The following SEMA3E variants were observed in gnomAD, a reference collection of about 807,000 sequenced individuals.
SEMA3E encodes semaphorin-3E.
SEMA3E carries 49 observed loss-of-function variants against 93.6 expected under a neutral mutation model. That is an observed-to-expected ratio of 0.52 (90% confidence interval 0.42 to 0.66). The LOEUF (loss-of-function observed/expected upper bound fraction) is 0.66. Ranked by LOEUF, SEMA3E falls within the 30% of genes least tolerant of loss-of-function variation. The pLI is 0.00. For synonymous variants in SEMA3E, 363 were observed against 330.7 expected, an observed-to-expected ratio of 1.10 and a Z score of -1.06; for missense variants, 906 against 964.8, an observed-to-expected ratio of 0.94 and a Z score of 0.81.
intron 4 of SEMA3E, among the ~76,000 whole-genome samples, chr7:83,429,702 C>T (rs75017500): frequency 0.02 from 3,108 of 152,200 alleles, 109 homozygotes; most frequent in African/African-American, 0.071. Flanking sequence ...CATAGTTTCC[C>T]CTCCCCTCTC....
At chr7:83,567,902 T>C (rs1276181539) in intron 1 of SEMA3E, among the ~76,000 whole-genome samples, 1 of 150,680 alleles carries the variant, frequency 6.6e-6, no homozygotes, top group East Asian at 1.9e-4. Context: ...ATAATAAAGA[T>C]CAGAGCAGAA....
chr7:83,633,019 CCTAAA>C (rs1171077591), intron 1 of SEMA3E, among the ~76,000 whole-genome samples: 1 of 151,972 alleles, frequency 6.6e-6, no homozygotes, highest in African/African-American at 2.4e-5. Context: ...ATACAATTTT[CCTAAA>C]CTATAGTCTT....
chr7:83,560,659 G>A (rs1792012555), intron 1 of SEMA3E, among the ~76,000 whole-genome samples: 1 of 151,740 alleles, frequency 6.6e-6, no homozygotes. Context: ...TCTTTAGTAA[G>A]CTAAATAAAT....
intron 1 of SEMA3E, among the ~76,000 whole-genome samples, chr7:83,518,150 A>T (rs1166138520): frequency 6.6e-6 from 1 of 152,034 alleles, no homozygotes; most frequent in Non-Finnish European, 1.5e-5. Flanking sequence ...ATTTATTTGT[A>T]GTTAGTACAT....
chr7:83,430,006 T>G (rs1171800771), intron 4 of SEMA3E, among the ~76,000 whole-genome samples: 1 of 152,246 alleles, frequency 6.6e-6, no homozygotes, highest in African/African-American at 2.4e-5. Context: ...ATTGTGATTA[T>G]GCACTCATGG....
Position 83,385,401 on chromosome 7 carries a change from C to T in SEMA3E, c.1768G>A (p.Ala590Thr). 1 of 1,613,350 alleles carries T rather than the reference C, an allele frequency of 6.2e-7. No individual in the cohort carries two copies. The highest frequency in any genetic ancestry group is 8.5e-7 in the Non-Finnish European group (1 of 1,179,536). ...DALDKTEEHL[A>T]YGIENNSTLL... ...GTACTGTTGTTCTCTATGCCATAAGCCAGATGTTCTTCAGTCTTATCCAAA... is the reference window on the plus strand; with the variant it reads ...GTACTGTTGTTCTCTATGCCATAAGTCAGATGTTCTTCAGTCTTATCCAAA... Residue 590 changes from alanine to threonine, a missense_variant, in exon 16 of 17, where the codon GCT becomes ACT. By Grantham distance (58) the Ala-to-Thr change is moderately conservative. Coordinates refer to ENST00000643230, the MANE Select transcript of SEMA3E (RefSeq NM_012431.3).
chr7:83,413,731 T>G (rs988981936), intron 5 of SEMA3E, among the ~76,000 whole-genome samples: 1 of 152,130 alleles, frequency 6.6e-6, no homozygotes, highest in African/African-American at 2.4e-5. Context: ...TAGCACTAGC[T>G]CTCAATGTTA....
chr7:83,401,539 T>A (rs2115622747), intron 10 of SEMA3E, among the ~76,000 whole-genome samples: 1 of 152,174 alleles, frequency 6.6e-6, no homozygotes, highest in South Asian at 2.1e-4. Context: ...AGGAAGCATT[T>A]CCAGCAAAGC....
chr7:83,382,683 TTAA>T (rs1339731676), intron 16 of SEMA3E, among the ~76,000 whole-genome samples: 29 of 151,584 alleles, frequency 1.9e-4, no homozygotes, highest in Non-Finnish European at 2.5e-4. Context: ...TTAATTATAA[TTAA>T]TAAGGTCTAC....
At chr7:83,414,895 A>G (rs1479480454) in intron 5 of SEMA3E, among the ~76,000 whole-genome samples, 2 of 152,096 alleles carry the variant, frequency 1.3e-5, no homozygotes, top group Non-Finnish European at 2.9e-5. Flanking sequence ...GTCAGAATAA[A>G]ATTTAAAAAT....
At chr7:83,448,331 T>C (rs914464232) in intron 4 of SEMA3E, among the ~76,000 whole-genome samples, 7 of 152,182 alleles carry the variant, frequency 4.6e-5, no homozygotes, top group African/African-American at 1.2e-4. Flanking sequence ...CCAAATATCT[T>C]AGTAAACATA....
Position 83,648,663 on chromosome 7 carries a change from T to C in SEMA3E, c.-121A>G. The C allele has an allele frequency of 1.3e-6, 1 of 761,756 alleles. No homozygotes were observed. Among genetic ancestry groups the C allele is most frequent in the Non-Finnish European group, 2.3e-6 (1 of 427,738 alleles). 47.2% of individuals were successfully genotyped at this position (761,756 alleles called of 1,614,324 possible). ...TTGTCAGAAATCGAACGCGTTGTCA[T>C]CAGAAAGCACAGTTCCGAAGTGCCA... On this transcript the variant is annotated 5_prime_UTR_variant, in exon 1 of 17. It removes an upstream start codon present in the reference 5' UTR. Coordinates refer to ENST00000643230, the MANE Select transcript of SEMA3E (RefSeq NM_012431.3).
At chr7:83,412,184 T>C (rs551981718) in intron 5 of SEMA3E, among the ~76,000 whole-genome samples, 1 of 152,284 alleles carries the variant, frequency 6.6e-6, no homozygotes, top group African/African-American at 2.4e-5. Context: ...TTGTCCGCTT[T>C]TTCCATGACA....
chr7:83,534,294 T>A (rs1265717409), intron 1 of SEMA3E, among the ~76,000 whole-genome samples: 1 of 148,518 alleles, frequency 6.7e-6, no homozygotes, highest in African/African-American at 2.6e-5. Flanking sequence ...GGCATTAGGA[T>A]TTTTTTGAAG....
intron 1 of SEMA3E, among the ~76,000 whole-genome samples, chr7:83,575,372 G>C (rs1051702372): frequency 6.6e-6 from 1 of 151,302 alleles, no homozygotes; most frequent in African/African-American, 2.4e-5. Context: ...TCAGTACAAG[G>C]TATCTTTTAG....
At chr7:83,547,407 G>T (rs1254120737) in intron 1 of SEMA3E, among the ~76,000 whole-genome samples, 2 of 151,944 alleles carry the variant, frequency 1.3e-5, no homozygotes, top group Non-Finnish European at 2.9e-5. Flanking sequence ...TGGCAAAATT[G>T]CAGCTAGAAT....
At chr7:83,389,012 GT>G (rs760754146) in intron 14 of SEMA3E, among the ~76,000 whole-genome samples, 7 of 149,912 alleles carry the variant, frequency 4.7e-5, no homozygotes, top group African/African-American at 7.3e-5. Context: ...TTTAGTTTTA[GT>G]TTTTTTTTAA....
intron 1 of SEMA3E, among the ~76,000 whole-genome samples, chr7:83,516,813 CA>C (rs367755156): frequency 1.3e-5 from 2 of 151,954 alleles, no homozygotes; most frequent in East Asian, 3.9e-4. Flanking sequence ...TCATAAAAGT[CA>C]AAAATGCTTG....
At chr7:83,626,727 T>A (rs990851042) in intron 1 of SEMA3E, among the ~76,000 whole-genome samples, 1 of 152,150 alleles carries the variant, frequency 6.6e-6, no homozygotes, top group Non-Finnish European at 1.5e-5. Context: ...TCTGAATTAG[T>A]TATTTCTTGT....
Sources: allele counts gnomAD v4.1 joint callset (sites outside exome capture counted in the v4.1 genomes callset), GRCh38; gene constraint gnomAD v4.1.1; transcripts MANE v1.5; gene names NCBI Gene and HGNC (gene_info 2026-07-23, HGNC 2026-07-21).